Variants in CHD1L observed in about 807,000 individuals in gnomAD.
CHD1L encodes the protein chromodomain helicase DNA binding protein 1 like.
In CHD1L, 118 loss-of-function variants were observed where a neutral mutation model predicts 115.9. That is an observed-to-expected ratio of 1.02 (90% confidence interval 0.88 to 1.19). CHD1L has a LOEUF of 1.19. CHD1L is among the 50% of genes most tolerant of loss of function. The pLI, the probability that CHD1L is intolerant of heterozygous loss-of-function variation, is 0.00. For missense variants in CHD1L, 1,179 were observed against 1,065.3 expected (o/e 1.11, Z -1.49); for synonymous variants, 411 against 387.1 (o/e 1.06, Z -0.72).
the CHD1L span, chr1:147,224,114 G>C: frequency 8.9e-5 from 31 of 347,736 alleles, 1 homozygote; most frequent in South Asian, 7.2e-4. Flanking sequence ...CAAGGGTGAG[G>C]TAAGATTGGG....
intron 6 of CHD1L, 34 bp from the exon 7 acceptor site, chr1:147,264,388 T>C (rs782642636): frequency 1.5e-5 from 23 of 1,532,368 alleles, no homozygotes; most frequent in Admixed American, 4.1e-5. Context: ...TCCAGTGTTA[T>C]GGAATTTTTA....
chr1:147,213,605 C>G, the CHD1L span: 1 of 694,650 alleles, frequency 1.4e-6, no homozygotes, highest in Admixed American at 3.3e-5. Flanking sequence ...TCATACTCCA[C>G]AAATAAGAAC....
At chr1:147,289,662 G>A (rs587762744) in intron 19 of CHD1L, among the ~76,000 whole-genome samples, 35 of 152,310 alleles carry the variant, frequency 2.3e-4, no homozygotes, top group Non-Finnish European at 4.3e-4. Flanking sequence ...GGCCTGGAAA[G>A]GTGGGTTGAA....
chr1:147,291,594 A>C, intron 20 of CHD1L, 42 bp downstream of exon 20: 2 of 1,520,492 alleles, frequency 1.3e-6, no homozygotes, highest in Non-Finnish European at 1.8e-6. Context: ...AAGTGGACTC[A>C]CATCAACTTC....
intron 1 of CHD1L, among the ~76,000 whole-genome samples, chr1:147,248,815 G>A (rs953636076): frequency 6.6e-6 from 1 of 152,100 alleles, no homozygotes; most frequent in Non-Finnish European, 1.5e-5. Flanking sequence ...GTAAAGTATG[G>A]AAACATTACT....
At chr1:147,285,737 T>TA (rs1218461166) in intron 17 of CHD1L, among the ~76,000 whole-genome samples, 3 of 152,192 alleles carry the variant, frequency 2.0e-5, no homozygotes, top group Admixed American at 2.0e-4. Context: ...CTTGCTCTGT[T>TA]ACCCAGGCTG....
the CHD1L span, chr1:147,215,727 C>T: frequency 1.3e-6 from 2 of 1,527,016 alleles, no homozygotes; most frequent in Non-Finnish European, 1.8e-6. Context: ...CAACTTCAAA[C>T]ACAAAGATAC....
intron 14 of CHD1L, among the ~76,000 whole-genome samples, chr1:147,278,490 T>C (rs1553959598): frequency 6.6e-6 from 1 of 150,578 alleles, no homozygotes; most frequent in Non-Finnish European, 1.5e-5. Flanking sequence ...CCTAAAGTGC[T>C]GGGATTACAG....
the CHD1L span, among the ~76,000 whole-genome samples, chr1:147,218,452 G>A: frequency 2.0e-5 from 3 of 151,880 alleles, no homozygotes; most frequent in Admixed American, 1.3e-4. Context: ...TAGCCAGGCT[G>A]GACTCGATCT....
At chr1:147,294,063 AACAG>A (rs1286272375) in intron 21 of CHD1L, among the ~76,000 whole-genome samples, 7 of 152,308 alleles carry the variant, frequency 4.6e-5, no homozygotes, top group South Asian at 2.1e-4. Context: ...AGTTCCCAAT[AACAG>A]ACAGTTCTTC....
chr1:147,178,487 T>C, the CHD1L span: 1 of 1,611,874 alleles, frequency 6.2e-7, no homozygotes. Flanking sequence ...GATGGAATTG[T>C]CAGCCACCTG....
At chr1:147,282,177 C>T (rs1681158413) in intron 15 of CHD1L, among the ~76,000 whole-genome samples, 1 of 152,170 alleles carries the variant, frequency 6.6e-6, no homozygotes, top group South Asian at 2.1e-4. Context: ...GGACTTATTC[C>T]TGGTTGGTGA....
the CHD1L span, chr1:147,190,266 A>C: frequency 6.7e-7 from 1 of 1,481,854 alleles, no homozygotes; most frequent in Non-Finnish European, 9.4e-7. Context: ...ACAAAAATTA[A>C]CATTTTAACT....
chr1:147,230,766 A>G, the CHD1L span, among the ~76,000 whole-genome samples: 4 of 150,038 alleles, frequency 2.7e-5, no homozygotes, highest in East Asian at 2.0e-4. Context: ...GAATTTATCC[A>G]TTTCTTCTAG....
chr1:147,186,517 G>A, the CHD1L span: 1 of 995,302 alleles, frequency 1.0e-6, no homozygotes, highest in Non-Finnish European at 1.2e-6. Context: ...CAGAAGAAGA[G>A]TTACGTGGAG....
chr1:147,274,179 C>T (rs77028247), intron 12 of CHD1L, among the ~76,000 whole-genome samples: 1,805 of 152,292 alleles, frequency 0.012, 16 homozygotes, highest in Middle Eastern at 0.037. Context: ...CTTACCCTCC[C>T]TTTCAACATC....
At chr1:147,254,812 A>C (rs1669542235) in intron 2 of CHD1L, 58 bp from the exon 3 acceptor site, 1 of 1,263,806 alleles carries the variant, frequency 7.9e-7, no homozygotes, top group Admixed American at 2.3e-5. Context: ...TGGGAACTTC[A>C]TGGTTGTTTC....
chr1:147,275,367 G>A lies in CHD1L; in HGVS notation c.1284G>A (p.Met428Ile), dbSNP rs1553956694. The change falls in exon 13 of 23, where the codon ATG (methionine) becomes ATA (isoleucine). Residue 428 changes from methionine to isoleucine, a missense_variant. Met to Ile is a conservative substitution (Grantham distance 10). Transcript: ENST00000369258. ...CATTGTTTTCAGGTGGAGTTGGCAT[G>A]AACTTAACAGCAGCAGATACTGTGA... ...LLSTRAGGVG[M>I]NLTAADTVIF... The A allele has an allele frequency of 1.2e-6, 2 of 1,613,824 alleles. No homozygotes were observed. The highest frequency in any genetic ancestry group is 1.7e-6 in the Non-Finnish European group (2 of 1,179,740).
At chr1:147,203,905 T>G in the CHD1L span, 3 of 1,568,616 alleles carry the variant, frequency 1.9e-6, no homozygotes, top group Non-Finnish European at 2.6e-6. Context: ...AGTGTCCCAT[T>G]TCTTCAAGGA....
Sources: gnomAD v4.1 joint callset for allele counts (sites outside exome capture counted in the v4.1 genomes callset) on GRCh38, gnomAD v4.1.1 for gene constraint, MANE v1.5 for transcripts, NCBI Gene and HGNC (gene_info 2026-07-23, HGNC 2026-07-21) for gene names.